The following GPM6A variants were observed in gnomAD, a reference collection of about 807,000 sequenced individuals.
The protein encoded by GPM6A is neuronal membrane glycoprotein M6-a.
In GPM6A, 7 loss-of-function variants were observed where a neutral mutation model predicts 32.1. The observed-to-expected ratio is 0.22, with a 90% confidence interval of 0.12 to 0.41. The LOEUF (loss-of-function observed/expected upper bound fraction) is 0.41. GPM6A is among the 10% of genes least tolerant of loss of function. The probability of loss-of-function intolerance (pLI) is 1.00; values close to 1 mark genes in which losing one functional copy is unlikely to be tolerated. For missense variants in GPM6A, 235 were observed against 347.2 expected (o/e 0.68, Z 2.57); for synonymous variants, 130 against 123.4 (o/e 1.05, Z -0.35).
At chr4:175,922,104 T>C (rs140148337) in intron 1 of GPM6A, among the ~76,000 whole-genome samples, 25 of 152,268 alleles carry the variant, frequency 1.6e-4, no homozygotes, top group African/African-American at 5.8e-4. Flanking sequence ...AAAATATGCT[T>C]ATGTAAAATG....
chr4:175,672,044 T>C (rs1248402075), intron 3 of GPM6A, among the ~76,000 whole-genome samples: 1 of 152,084 alleles, frequency 6.6e-6, no homozygotes, highest in Non-Finnish European at 1.5e-5. Flanking sequence ...AATTCCTATT[T>C]GAAATACCTT....
chr4:175,933,643 T>C lies in GPM6A; in HGVS notation c.-23+68666A>G, dbSNP rs192116911. Among the ~76,000 whole-genome samples, 1,469 of 152,234 alleles carry C rather than the reference T, an allele frequency of 9.6e-3. 13 individuals are homozygous for C. The highest frequency in any genetic ancestry group is 0.068 in the Middle Eastern group (20 of 294). Reference sequence around the variant, plus strand: ...CTGCAAGCTCCGCCTCCCGAGTTCATGCCATTCTTCTGCCTCAGCCTCCCG... The same window carrying C: ...CTGCAAGCTCCGCCTCCCGAGTTCACGCCATTCTTCTGCCTCAGCCTCCCG... On this transcript the variant is annotated intron_variant, in intron 1 of 7. Transcript: ENST00000280187.
At chr4:175,636,301 T>TATAC (rs1553967498) in intron 6 of GPM6A, among the ~76,000 whole-genome samples, 33 of 130,726 alleles carry the variant, frequency 2.5e-4, no homozygotes, top group African/African-American at 6.5e-4. Flanking sequence ...TATATATACA[T>TATAC]ATATATATGG....
chr4:175,746,179 G>T (rs189275368), intron 1 of GPM6A, among the ~76,000 whole-genome samples: 1 of 151,944 alleles, frequency 6.6e-6, no homozygotes, highest in Non-Finnish European at 1.5e-5. Context: ...CATACATTCC[G>T]ATTCAGAAAG....
At chr4:175,637,835 A>G (rs1421461028) in intron 6 of GPM6A, among the ~76,000 whole-genome samples, 19 of 120,608 alleles carry the variant, frequency 1.6e-4, no homozygotes, top group African/African-American at 6.2e-4. Flanking sequence ...ATAAAAATAT[A>G]TAATATATAA....
At chr4:175,935,080 T>C (rs904658932) in intron 1 of GPM6A, among the ~76,000 whole-genome samples, 5 of 152,230 alleles carry the variant, frequency 3.3e-5, no homozygotes, top group African/African-American at 1.2e-4. Context: ...ACTACTTTAA[T>C]GTGGATGATA....
At chr4:175,718,507 T>C (rs952389755) in intron 1 of GPM6A, among the ~76,000 whole-genome samples, 1 of 152,060 alleles carries the variant, frequency 6.6e-6, no homozygotes, top group African/African-American at 2.4e-5. Flanking sequence ...TCTCAGCTAC[T>C]TGGGAGGCTG....
intron 1 of GPM6A, among the ~76,000 whole-genome samples, chr4:175,915,940 G>A (rs1284964365): frequency 6.6e-6 from 1 of 152,160 alleles, no homozygotes; most frequent in Admixed American, 6.6e-5. Context: ...GTGCACACGG[G>A]GACTGGGTCA....
At chr4:175,809,737 G>A (rs1456655668) in intron 1 of GPM6A, among the ~76,000 whole-genome samples, 5 of 152,114 alleles carry the variant, frequency 3.3e-5, no homozygotes, top group Non-Finnish European at 7.4e-5. Context: ...AGAGGGGAGT[G>A]GGCTCTCACT....
chr4:175,644,056 A>T (rs1314187142), intron 4 of GPM6A, among the ~76,000 whole-genome samples: 1 of 151,684 alleles, frequency 6.6e-6, no homozygotes, highest in Admixed American at 6.6e-5. Flanking sequence ...TGATCTCTCA[A>T]GTCTCCCGCT....
At chr4:175,829,598 C>T (rs943338176) in intron 1 of GPM6A, among the ~76,000 whole-genome samples, 2 of 149,696 alleles carry the variant, frequency 1.3e-5, no homozygotes, top group Non-Finnish European at 1.5e-5. Flanking sequence ...TGCATGTGGA[C>T]ACTTCAATAA....
At chr4:175,814,595 T>G (rs1735042239), upstream of GPM6A, among the ~76,000 whole-genome samples, 1 of 152,236 alleles carries the variant, frequency 6.6e-6, no homozygotes, top group Non-Finnish European at 1.5e-5. Context: ...TACACTCATA[T>G]AACCATTCAC....
chr4:175,955,154 C>A (rs1033211512), intron 1 of GPM6A, among the ~76,000 whole-genome samples: 3 of 152,198 alleles, frequency 2.0e-5, no homozygotes, highest in African/African-American at 7.2e-5. Flanking sequence ...CTGCACTTGA[C>A]CTCTGGACTT....
intron 1 of GPM6A, among the ~76,000 whole-genome samples, chr4:175,891,145 CT>C (rs1471258945): frequency 8.5e-5 from 13 of 152,228 alleles, no homozygotes; most frequent in Admixed American, 7.8e-4. Flanking sequence ...ACAAAGCCAC[CT>C]TGTGATCATT....
chr4:175,659,036 A>G (rs1742248524), intron 3 of GPM6A, among the ~76,000 whole-genome samples: 1 of 152,158 alleles, frequency 6.6e-6, no homozygotes, highest in African/African-American at 2.4e-5. Context: ...ATAGAGGAAG[A>G]AAATCTTAAA....
intron 1 of GPM6A, among the ~76,000 whole-genome samples, chr4:175,826,285 T>TTCTC (rs767804970): frequency 4.7e-5 from 7 of 148,164 alleles, no homozygotes; most frequent in East Asian, 2.0e-4. Flanking sequence ...TAATCTCTCT[T>TTCTC]TCTCTCTCTC....
intron 2 of GPM6A, among the ~76,000 whole-genome samples, chr4:175,693,738 G>T (rs60120352): frequency 6.6e-6 from 1 of 152,032 alleles, no homozygotes; most frequent in African/African-American, 2.4e-5. Context: ...TGAAACTATC[G>T]TGTTCTTATT....
intron 1 of GPM6A, among the ~76,000 whole-genome samples, chr4:175,895,493 C>A (rs1737768601): frequency 6.6e-6 from 1 of 151,994 alleles, no homozygotes; most frequent in East Asian, 1.9e-4. Flanking sequence ...GTTACATGTT[C>A]TTTGCAGAAA....
At position 175,701,589 on chromosome 4, in the gene GPM6A, C is replaced by A. The variant is rs781485424; in HGVS notation, c.216G>T (p.Leu72=). ...GAGTGACTTACATGGTAAAAACATC[C>A]AGTGTGTCTCCAGCAGTTCTTGCCA... ...FEMARTAGDT[L]DVFTMIDIFK... Residue 72 remains leucine, a synonymous_variant, in exon 2 of 7, where the codon CTG becomes CTT. Transcript: ENST00000393658. 1 of 1,612,134 alleles carries A rather than the reference C, an allele frequency of 6.2e-7. No individual in the cohort carries two copies.
Sources: gnomAD v4.1 joint callset for allele counts (sites outside exome capture counted in the v4.1 genomes callset) on GRCh38, gnomAD v4.1.1 for gene constraint, MANE v1.5 for transcripts, NCBI Gene and HGNC (gene_info 2026-07-23, HGNC 2026-07-21) for gene names.